The following B3GALT1 variants were observed in gnomAD, a reference collection of about 807,000 sequenced individuals.
The protein encoded by B3GALT1 is UDP-Gal:betaGlcNAc beta 1,3-galactosyltransferase, polypeptide 1.
Under a neutral mutation model 23.2 loss-of-function variants are expected in B3GALT1, and 10 were observed. The observed-to-expected ratio is 0.43, with a 90% CI of 0.27 to 0.73. The LOEUF (loss-of-function observed/expected upper bound fraction) is 0.73, where lower values mean the gene tolerates loss of function less well. Among genes scored for constraint, B3GALT1 ranks in the 30% least tolerant of loss-of-function variants. The probability of loss-of-function intolerance (pLI) is 0.21; values close to 1 mark genes in which losing one functional copy is unlikely to be tolerated. For missense variants in B3GALT1, 299 were observed against 405.4 expected (o/e 0.74, Z 2.25); for synonymous variants, 156 against 141.5 (o/e 1.10, Z -0.73).
At chr2:167,774,498 T>TTTTTTTTTTTTTTTTTTTTTTTTTTTG (rs1558974793) in intron 3 of B3GALT1, among the ~76,000 whole-genome samples, 1 of 34,462 alleles carries the variant, frequency 2.9e-5, no homozygotes, top group Non-Finnish European at 4.4e-5. Context: ...TTTTTTTTTG[T>TTTTTTTTTTTTTTTTTTTTTTTTTTTG]TTTTTTTTTT....
At chr2:167,530,306 C>T (rs1024427089) in intron 2 of B3GALT1, among the ~76,000 whole-genome samples, 1 of 152,136 alleles carries the variant, frequency 6.6e-6, no homozygotes, top group Non-Finnish European at 1.5e-5. Context: ...TTATATATTA[C>T]ATATTTTTGT....
At chr2:167,433,479 A>G (rs987386454) in intron 1 of B3GALT1, among the ~76,000 whole-genome samples, 4 of 152,232 alleles carry the variant, frequency 2.6e-5, no homozygotes, top group African/African-American at 7.2e-5. Context: ...CAAAGGAAGA[A>G]AATGTAGAAT....
At chr2:167,303,644 T>C (rs78130136) in intron 1 of B3GALT1, among the ~76,000 whole-genome samples, 266 of 144,968 alleles carry the variant, frequency 1.8e-3, no homozygotes, top group Middle Eastern at 6.9e-3. Context: ...AACACACACA[T>C]ACACACACAC....
At chr2:167,604,957 T>C (rs1261354401) in intron 2 of B3GALT1, among the ~76,000 whole-genome samples, 1 of 152,234 alleles carries the variant, frequency 6.6e-6, no homozygotes, top group African/African-American at 2.4e-5. Flanking sequence ...TTTATAGTCA[T>C]TTAAGAACTC....
At chr2:167,468,611 C>T (rs1424086909) in intron 1 of B3GALT1, among the ~76,000 whole-genome samples, 1 of 152,196 alleles carries the variant, frequency 6.6e-6, no homozygotes, top group Non-Finnish European at 1.5e-5. Flanking sequence ...GTGGCTCACA[C>T]CTCTAATCCC....
At chr2:167,850,717 T>A (rs1559002566) in intron 4 of B3GALT1, among the ~76,000 whole-genome samples, 1 of 152,038 alleles carries the variant, frequency 6.6e-6, no homozygotes, top group Non-Finnish European at 1.5e-5. Context: ...AACTCAGGAA[T>A]GGAAAACCAA....
chr2:167,823,722 A>G (rs1178715913), intron 4 of B3GALT1, among the ~76,000 whole-genome samples: 1 of 152,220 alleles, frequency 6.6e-6, no homozygotes, highest in Non-Finnish European at 1.5e-5. Flanking sequence ...TTCCAAGTAC[A>G]CAGGCCAGTG....
intron 3 of B3GALT1, among the ~76,000 whole-genome samples, chr2:167,782,229 G>C (rs1374495043): frequency 6.6e-6 from 1 of 152,206 alleles, no homozygotes; most frequent in Non-Finnish European, 1.5e-5. Flanking sequence ...AAGGTGAGCA[G>C]CACCCACAGA....
At chr2:167,582,690 C>G (rs999433928) in intron 2 of B3GALT1, among the ~76,000 whole-genome samples, 3 of 152,162 alleles carry the variant, frequency 2.0e-5, no homozygotes, top group African/African-American at 7.2e-5. Context: ...GAGCGGTCCT[C>G]TAAGCCCCTT....
chr2:167,759,910 G>A (rs192875054), intron 3 of B3GALT1, among the ~76,000 whole-genome samples: 75 of 152,186 alleles, frequency 4.9e-4, no homozygotes, highest in African/African-American at 1.7e-3. Context: ...TTGGGGTGTC[G>A]TTATAGCTGA....
chr2:167,778,919 A>G (rs1688205104), intron 3 of B3GALT1, among the ~76,000 whole-genome samples: 1 of 152,246 alleles, frequency 6.6e-6, no homozygotes, highest in African/African-American at 2.4e-5. Flanking sequence ...TAAGATACAT[A>G]GGATCATTCT....
At chr2:167,552,837 A>G (rs1683773535) in intron 2 of B3GALT1, among the ~76,000 whole-genome samples, 1 of 152,192 alleles carries the variant, frequency 6.6e-6, no homozygotes, top group Admixed American at 6.5e-5. Flanking sequence ...GTTTCCAAAC[A>G]AGATATTCTC....
intron 2 of B3GALT1, among the ~76,000 whole-genome samples, chr2:167,568,831 C>G (rs377359925): frequency 2.5e-4 from 38 of 151,662 alleles, no homozygotes; most frequent in African/African-American, 8.9e-4. Flanking sequence ...TTTCTTTCTC[C>G]TGTGTTATTT....
chr2:167,408,572 A>C (rs1367748319), intron 1 of B3GALT1, among the ~76,000 whole-genome samples: 1 of 152,124 alleles, frequency 6.6e-6, no homozygotes, highest in Non-Finnish European at 1.5e-5. Flanking sequence ...AGGAAGTTAA[A>C]CCTAGAAAAA....
chr2:167,318,132 G>T (rs1696747887), intron 1 of B3GALT1, among the ~76,000 whole-genome samples: 1 of 151,982 alleles, frequency 6.6e-6, no homozygotes, highest in Admixed American at 6.6e-5. Context: ...TTCAAGACCA[G>T]CCTTGCCAAG....
intron 3 of B3GALT1, among the ~76,000 whole-genome samples, chr2:167,649,124 C>T (rs1002573231): frequency 3.9e-5 from 6 of 152,098 alleles, no homozygotes; most frequent in Non-Finnish European, 8.8e-5. Context: ...TTTACCACCC[C>T]TACTTTATCC....
chr2:167,453,835 G>A lies in B3GALT1; in HGVS notation c.-510-36342G>A, dbSNP rs564087129. On this transcript the variant is annotated intron_variant, in intron 1 of 4. Coordinates refer to ENST00000392690, the MANE Select transcript of B3GALT1 (RefSeq NM_020981.4). ...GATCAGGATTTCTTTGTGAAGTTCT[G>A]TCAGGCTCATTGAATTTTCCTGTCT... Among the ~76,000 whole-genome samples, 223 of 152,314 alleles carry A rather than the reference G, an allele frequency of 1.5e-3. 4 individuals are homozygous for A. The Middle Eastern group carries it at 0.017, about 12-fold the overall frequency.
intron 3 of B3GALT1, among the ~76,000 whole-genome samples, chr2:167,750,375 C>T (rs763908279): frequency 1.3e-5 from 2 of 152,092 alleles, no homozygotes; most frequent in Non-Finnish European, 2.9e-5. Flanking sequence ...TTCTGAATCC[C>T]CACTGGACAA....
chr2:167,841,882 C>G (rs1410480067), intron 4 of B3GALT1, among the ~76,000 whole-genome samples: 2 of 152,164 alleles, frequency 1.3e-5, no homozygotes, highest in Non-Finnish European at 2.9e-5. Flanking sequence ...ATTTAAGTAA[C>G]TTTTCATACA....
Sources: gnomAD v4.1 joint callset for allele counts (sites outside exome capture counted in the v4.1 genomes callset) on GRCh38, gnomAD v4.1.1 for gene constraint, MANE v1.5 for transcripts, NCBI Gene and HGNC (gene_info 2026-07-23, HGNC 2026-07-21) for gene names.